The following NCALD variants were observed in gnomAD, a reference collection of about 807,000 sequenced individuals.
NCALD encodes neurocalcin-delta.
A neutral mutation model predicts 18.6 loss-of-function variants in NCALD; 10 were observed. That is an observed-to-expected ratio of 0.54 (90% confidence interval 0.33 to 0.91). The LOEUF (loss-of-function observed/expected upper bound fraction) is 0.91, where lower values mean the gene tolerates loss of function less well. NCALD is among the 40% of genes least tolerant of loss of function. The probability of loss-of-function intolerance (pLI) is 0.03; values close to 1 mark genes in which losing one functional copy is unlikely to be tolerated. For missense variants in NCALD, 184 were observed against 247.6 expected, an observed-to-expected ratio of 0.74 and a Z score of 1.72; for synonymous variants, 88 against 87.4, an observed-to-expected ratio of 1.01 and a Z score of -0.04.
intron 1 of NCALD, among the ~76,000 whole-genome samples, chr8:102,023,084 G>A (rs975340268): frequency 6.6e-5 from 10 of 152,144 alleles, no homozygotes; most frequent in African/African-American, 2.2e-4. Flanking sequence ...AAAAATCAAA[G>A]ATCCTTTCAA....
chr8:102,063,651 A>G (rs948062717), intron 1 of NCALD, among the ~76,000 whole-genome samples: 3 of 152,232 alleles, frequency 2.0e-5, no homozygotes, highest in African/African-American at 2.4e-5. Context: ...CTAAAAGCTC[A>G]AAACTACTCT....
At chr8:102,104,972 G>T (rs184599331) in intron 1 of NCALD, among the ~76,000 whole-genome samples, 1 of 152,306 alleles carries the variant, frequency 6.6e-6, no homozygotes, top group Non-Finnish European at 1.5e-5. Context: ...ATTGTTCAGC[G>T]AACAGATAAG....
intron 1 of NCALD, among the ~76,000 whole-genome samples, chr8:102,047,393 C>T (rs1823284346): frequency 6.6e-6 from 1 of 152,178 alleles, no homozygotes; most frequent in South Asian, 2.1e-4. Context: ...TACTCTAGAG[C>T]AGCACTGTCC....
intron 2 of NCALD, among the ~76,000 whole-genome samples, chr8:101,929,271 TGGAGGGAG>T (rs1184689602): frequency 7.3e-4 from 8 of 10,986 alleles, no homozygotes; most frequent in African/African-American, 3.2e-3. Context: ...GAGGAAGGGA[TGGAGGGAG>T]GGAGGGAGGG....
chr8:102,088,996 T>G lies in NCALD; in HGVS notation c.-210+35241A>C, dbSNP rs563093992. 2.3e-3 allele frequency among the ~76,000 whole-genome samples: 348 copies of G among 152,276 alleles called. 1 individual carries two copies. The highest frequency in any genetic ancestry group is 3.3e-3 in the Non-Finnish European group (224 of 68,016). ...GATATAAAACTGGGACCCTTAATTT[T>G]GGGGGAGCTATTTTGCCTTCCAACT... On this transcript the variant is annotated intron_variant, in intron 1 of 6. Coordinates refer to the NCALD transcript ENST00000311028.
chr8:101,914,517 G>T (rs546807885), intron 3 of NCALD, among the ~76,000 whole-genome samples: 4 of 152,250 alleles, frequency 2.6e-5, no homozygotes, highest in African/African-American at 9.6e-5. Flanking sequence ...AGCCCCCAGG[G>T]AGGGTTATGC....
intron 2 of NCALD, among the ~76,000 whole-genome samples, chr8:101,939,738 T>C (rs1563916382): frequency 6.6e-6 from 1 of 152,242 alleles, no homozygotes; most frequent in Admixed American, 6.5e-5. Flanking sequence ...CACATTGCAT[T>C]GACAAACCTG....
At chr8:101,929,250 AGGAAGGGAT>A (rs1287745167) in intron 2 of NCALD, among the ~76,000 whole-genome samples, 2 of 79,962 alleles carry the variant, frequency 2.5e-5, no homozygotes, top group Non-Finnish European at 2.2e-5. Flanking sequence ...GAGGAGGAGG[AGGAAGGGAT>A]GGAGGAAGGG....
chr8:102,036,057 G>A (rs1358944869), intron 1 of NCALD, among the ~76,000 whole-genome samples: 1 of 152,012 alleles, frequency 6.6e-6, no homozygotes, highest in Non-Finnish European at 1.5e-5. Flanking sequence ...GGGAGGCTAA[G>A]GTAGGAGGAC....
At chr8:101,804,756 CTT>C (rs1422037306) in intron 4 of NCALD, among the ~76,000 whole-genome samples, 3 of 149,066 alleles carry the variant, frequency 2.0e-5, no homozygotes, top group African/African-American at 7.4e-5. Flanking sequence ...CCATTTCACA[CTT>C]AATAGATTAC....
intron 1 of NCALD, among the ~76,000 whole-genome samples, chr8:102,045,002 A>T (rs1823189182): frequency 6.6e-6 from 1 of 152,232 alleles, no homozygotes; most frequent in Non-Finnish European, 1.5e-5. Flanking sequence ...CTACAAAAAA[A>T]GAATAAAGGA....
chr8:102,038,305 A>G (rs991371390), intron 1 of NCALD, among the ~76,000 whole-genome samples: 1 of 152,206 alleles, frequency 6.6e-6, no homozygotes, highest in African/African-American at 2.4e-5. Flanking sequence ...GAAAGAAAAC[A>G]ATTGCTGATG....
At chr8:101,797,764 C>T (rs1275441826) in intron 4 of NCALD, among the ~76,000 whole-genome samples, 3 of 151,264 alleles carry the variant, frequency 2.0e-5, no homozygotes, top group Admixed American at 6.6e-5. Flanking sequence ...AGCAGTGAGC[C>T]GAGATCATGC....
intron 2 of NCALD, among the ~76,000 whole-genome samples, chr8:101,717,552 C>G (rs748005959): frequency 6.6e-6 from 1 of 152,158 alleles, no homozygotes; most frequent in Non-Finnish European, 1.5e-5. Context: ...AATTTGTTGA[C>G]GGTTCTCCTG....
chr8:101,690,860 T>C, intron 3 of NCALD: 1 of 985,360 alleles, frequency 1.0e-6, no homozygotes. Flanking sequence ...TCTGAACACT[T>C]TGCAGTCTCT....
intron 3 of NCALD, among the ~76,000 whole-genome samples, chr8:101,907,319 A>G (rs16868691): frequency 0.046 from 7,009 of 152,144 alleles, 258 homozygotes; most frequent in African/African-American, 0.1. Context: ...TGGCTACTTT[A>G]ATGCCATTTT....
intron 1 of NCALD, among the ~76,000 whole-genome samples, chr8:102,045,905 A>G (rs1393245180): frequency 6.6e-6 from 1 of 152,212 alleles, no homozygotes; most frequent in African/African-American, 2.4e-5. Flanking sequence ...AATCTCAAAG[A>G]CAAAGTTCAC....
chr8:102,091,987 G>C (rs900226338), intron 1 of NCALD, among the ~76,000 whole-genome samples: 1 of 152,206 alleles, frequency 6.6e-6, no homozygotes, highest in Non-Finnish European at 1.5e-5. Flanking sequence ...ATCTTGAATA[G>C]GGTCTGGGTA....
At chr8:102,054,662 ATAG>A (rs560101785) in intron 1 of NCALD, among the ~76,000 whole-genome samples, 9,997 of 38,194 alleles carry the variant, frequency 0.26, 475 homozygotes, top group Admixed American at 0.32. Context: ...TTCTCTTCCG[ATAG>A]ATAGATAGAT....
Sources: allele counts gnomAD v4.1 joint callset (sites outside exome capture counted in the v4.1 genomes callset), GRCh38; gene constraint gnomAD v4.1.1; transcripts MANE v1.5; gene names NCBI Gene and HGNC (gene_info 2026-07-23, HGNC 2026-07-21).